The following TTC34 variants were observed in gnomAD, a reference collection of about 807,000 sequenced individuals.
TTC34 encodes the protein tetratricopeptide repeat protein 34.
Under a neutral mutation model 40.7 loss-of-function variants are expected in TTC34, and 44 were observed. The ratio of observed to expected loss-of-function variants is 1.08; its 90% CI spans 0.85 to 1.39. TTC34 has a LOEUF of 1.39. Among genes scored for constraint, TTC34 ranks in the 40% most tolerant of loss-of-function variants. TTC34 has a pLI of 0.00. For missense variants in TTC34, 884 were observed against 838.0 expected, an observed-to-expected ratio of 1.05 and a Z score of -0.68; for synonymous variants, 422 against 398.6, an observed-to-expected ratio of 1.06 and a Z score of -0.70.
intron 6 of TTC34, among the ~76,000 whole-genome samples, chr1:2,695,400 AGGTGAG>A (rs1640815823): frequency 5.5e-5 from 5 of 90,526 alleles, no homozygotes; most frequent in Admixed American, 1.2e-4. Context: ...CCATACCCCC[AGGTGAG>A]CATCTGATCG....
chr1:2,699,046 CACAACCACAGG>C (rs1641003619), intron 6 of TTC34, among the ~76,000 whole-genome samples: 1 of 92,548 alleles, frequency 1.1e-5, no homozygotes. Flanking sequence ...GAGAAGCACC[CACAACCACAGG>C]TGAGCATCGG....
chr1:2,695,437 T>C (rs1167210983), intron 6 of TTC34, among the ~76,000 whole-genome samples: 15 of 19,300 alleles, frequency 7.8e-4, no homozygotes, highest in East Asian at 1.7e-3. Flanking sequence ...CATCCTCACC[T>C]CCAGGTGAGC....
chr1:2,675,478 A>G (rs1234740541), intron 6 of TTC34, among the ~76,000 whole-genome samples: 3 of 108,926 alleles, frequency 2.8e-5, no homozygotes, highest in African/African-American at 9.5e-5. Context: ...AACAGCACCC[A>G]CACTCCCAGG....
At chr1:2,795,928 T>C (rs1224672493) in intron 2 of TTC34, among the ~76,000 whole-genome samples, 1 of 152,238 alleles carries the variant, frequency 6.6e-6, no homozygotes, top group African/African-American at 2.4e-5. Flanking sequence ...GTTTGAATGT[T>C]TGTTCCCTCC....
chr1:2,747,992 A>G (rs1641207089), intron 6 of TTC34, among the ~76,000 whole-genome samples: 1 of 53,688 alleles, frequency 1.9e-5, no homozygotes, highest in Non-Finnish European at 3.0e-5. Context: ...CTGGAGCAGC[A>G]CCCACACCCC....
At chr1:2,652,711 G>A (rs1327907361) in intron 6 of TTC34, among the ~76,000 whole-genome samples, 1 of 146,630 alleles carries the variant, frequency 6.8e-6, no homozygotes, top group Non-Finnish European at 1.5e-5. Flanking sequence ...TGACAGCCTG[G>A]AGGAGCACCC....
rs1008846727 is a variant in TTC34 at position 2,695,236 on chromosome 1, C to T, written c.2227-49673G>A. Among the ~76,000 whole-genome samples the T allele has an allele frequency of 4.3e-5, 4 of 92,974 alleles. No individual in the cohort carries two copies. In the Admixed American group the frequency reaches 4.3e-4, roughly 10 times the overall value. 61.0% of individuals were successfully genotyped at this position (92,974 alleles called of 152,430 possible). ...GACAGCCTGGAATAGGTCCCTGCAC[C>T]CCCAGGTGCGCACCTGACAGCCTGC... is the stretch of plus-strand genomic sequence containing the variant. On this transcript the variant is annotated intron_variant, in intron 6 of 8. Transcript: ENST00000401095.
intron 6 of TTC34, among the ~76,000 whole-genome samples, chr1:2,690,134 CACACCCCA>C (rs1640549256): frequency 3.2e-5 from 4 of 123,480 alleles, no homozygotes; most frequent in Non-Finnish European, 5.3e-5. Context: ...GAACAGCACC[CACACCCCA>C]AGGTGAGCAT....
intron 6 of TTC34, among the ~76,000 whole-genome samples, chr1:2,756,635 G>T (rs1641514899): frequency 6.6e-6 from 1 of 151,878 alleles, no homozygotes; most frequent in Non-Finnish European, 1.5e-5. Flanking sequence ...ACCCCCAGGT[G>T]AGCATCTGAC....
chr1:2,675,635 ACC>A (rs796291299), intron 6 of TTC34, among the ~76,000 whole-genome samples: 1 of 44,572 alleles, frequency 2.2e-5, no homozygotes, highest in Non-Finnish European at 4.7e-5. Context: ...CTGGAGCAGC[ACC>A]CCACACCCCC....
chr1:2,758,074 C>CT (rs1641565447), intron 6 of TTC34, among the ~76,000 whole-genome samples: 1 of 142,648 alleles, frequency 7.0e-6, no homozygotes, highest in Non-Finnish European at 1.5e-5. Context: ...CACCCTGCAC[C>CT]CCCAGGTGCG....
At chr1:2,687,333 T>G (rs1367645951) in intron 6 of TTC34, among the ~76,000 whole-genome samples, 2 of 89,528 alleles carry the variant, frequency 2.2e-5, no homozygotes, top group Non-Finnish European at 2.0e-5. Context: ...AACCCACAGG[T>G]GAGCATCCGA....
intron 6 of TTC34, among the ~76,000 whole-genome samples, chr1:2,755,613 G>A (rs1641477866): frequency 2.4e-5 from 3 of 125,156 alleles, no homozygotes; most frequent in South Asian, 2.8e-4. Flanking sequence ...GCCTGGAGCA[G>A]CACCCACACA....
At position 2,795,563 on chromosome 1, in the gene TTC34, A is replaced by G. The variant is rs183704632; in HGVS notation, c.784+4481T>C. Among the ~76,000 whole-genome samples the G allele has an allele frequency of 3.9e-4, 59 of 152,324 alleles. No homozygotes were observed. The East Asian group carries it at 0.011, about 28-fold the overall frequency. ...CTGAGGCTTGGGCTCCTGAAGCACAAGCCATCACTTCTACCATATTCTACT... is the reference window on the plus strand; with the variant it reads ...CTGAGGCTTGGGCTCCTGAAGCACAGGCCATCACTTCTACCATATTCTACT... On this transcript the variant is annotated intron_variant, in intron 2 of 8. Coordinates refer to ENST00000401095, the Ensembl canonical transcript of TTC34.
chr1:2,759,797 C>T (rs1641633746), intron 6 of TTC34, among the ~76,000 whole-genome samples: 1 of 145,390 alleles, frequency 6.9e-6, no homozygotes. Flanking sequence ...ACAGTACCCA[C>T]ACTCCCAGGC....
chr1:2,654,646 C>CCCTGTAT (rs1407191926), intron 6 of TTC34, among the ~76,000 whole-genome samples: 1 of 152,348 alleles, frequency 6.6e-6, no homozygotes, highest in Non-Finnish European at 1.5e-5. Flanking sequence ...TGGAGCAGCA[C>CCCTGTAT]CCACACCCCC....
At chr1:2,639,922 C>T (rs1240479938) in exon 9 of TTC34, 2 of 152,264 alleles carry the variant, frequency 1.3e-5, no homozygotes, top group East Asian at 3.9e-4. Flanking sequence ...GGGGGCTACC[C>T]AGCCCTGCAC....
At chr1:2,695,255 A>C (rs1640808954) in intron 6 of TTC34, among the ~76,000 whole-genome samples, 1 of 99,124 alleles carries the variant, frequency 1.0e-5, no homozygotes, top group Non-Finnish European at 2.1e-5. Flanking sequence ...CGCACCTGAC[A>C]GCCTGCAACA....
exon 9 of TTC34, chr1:2,637,021 G>A (rs184701813): frequency 1.9e-4 from 29 of 152,296 alleles, no homozygotes; most frequent in African/African-American, 6.7e-4. Flanking sequence ...ATTGAGAGAC[G>A]GAACAGCTCT....
Sources: allele counts gnomAD v4.1 joint callset (sites outside exome capture counted in the v4.1 genomes callset), GRCh38; gene constraint gnomAD v4.1.1; transcripts MANE v1.5; gene names NCBI Gene and HGNC (gene_info 2026-07-23, HGNC 2026-07-21).